PAK3: variants seen among roughly 807,000 people sequenced by gnomAD.
The protein encoded by PAK3 is p21 (RAC1) activated kinase 3, also known as serine/threonine-protein kinase PAK 3.
Under a neutral mutation model 41.0 loss-of-function variants are expected in PAK3, and 4 were observed. The observed-to-expected ratio is 0.10, with a 90% CI of 0.05 to 0.22. The LOEUF is 0.22. PAK3 is among the 10% of genes least tolerant of loss of function. The pLI is 1.00. For missense variants in PAK3, 205 were observed against 409.9 expected, an observed-to-expected ratio of 0.50 and a Z score of 4.32; for synonymous variants, 146 against 139.6, an observed-to-expected ratio of 1.05 and a Z score of -0.32.
intron 1 of PAK3, among the ~76,000 whole-genome samples, chrX:111,087,308 T>C (rs1413731838): frequency 9.0e-6 from 1 of 110,788 alleles, no homozygotes; most frequent in Non-Finnish European, 1.9e-5. Flanking sequence ...ATGTATTCTC[T>C]TGGATGATTA....
intron 16 of PAK3, among the ~76,000 whole-genome samples, chrX:111,209,226 A>G (rs2094791853): frequency 1.8e-5 from 2 of 111,629 alleles, no homozygotes; most frequent in African/African-American, 6.5e-5. Flanking sequence ...GCAGTGGTCA[A>G]GAGCATGAAC....
At chrX:111,010,331 C>T (rs777353544) in intron 1 of PAK3, among the ~76,000 whole-genome samples, 3 of 111,655 alleles carry the variant, frequency 2.7e-5, no homozygotes, top group African/African-American at 9.8e-5. Context: ...GTGATAACCC[C>T]GGGAAGCTGC....
At chrX:110,994,944 G>A (rs940726010) in intron 1 of PAK3, among the ~76,000 whole-genome samples, 3 of 111,777 alleles carry the variant, frequency 2.7e-5, no homozygotes, top group Non-Finnish European at 3.8e-5. Flanking sequence ...AATTAAATGA[G>A]AACATATGTA....
chrX:111,050,114 C>A (rs2092542790), intron 1 of PAK3, among the ~76,000 whole-genome samples: 1 of 111,712 alleles, frequency 9.0e-6, no homozygotes, highest in Admixed American at 9.5e-5. Context: ...GGAAGTATAA[C>A]TAGAAATGTG....
intron 8 of PAK3, among the ~76,000 whole-genome samples, chrX:111,157,990 G>T (rs769662874): frequency 8.1e-5 from 9 of 111,547 alleles, no homozygotes; most frequent in Non-Finnish European, 1.5e-4. Flanking sequence ...TTGCACCATT[G>T]ACTCCAAAAA....
chrX:111,126,368 T>C (rs2149019375), intron 5 of PAK3, among the ~76,000 whole-genome samples: 1 of 111,629 alleles, frequency 9.0e-6, no homozygotes, highest in East Asian at 2.8e-4. Context: ...CCCGATATCA[T>C]GATCTCCTCA....
At chrX:111,035,105 C>CA (rs533876214) in intron 1 of PAK3, among the ~76,000 whole-genome samples, 21 of 39,551 alleles carry the variant, frequency 5.3e-4, no homozygotes, top group African/African-American at 2.8e-3. Flanking sequence ...GACCCTGTCT[C>CA]AAAAAAAAAA....
chrX:111,066,439 T>C (rs1221782552), intron 1 of PAK3, among the ~76,000 whole-genome samples: 1 of 112,222 alleles, frequency 8.9e-6, no homozygotes, highest in Admixed American at 9.5e-5. Context: ...ATGGTTGGTA[T>C]GATTTTGATT....
At chrX:111,061,215 T>C (rs1475702965) in intron 1 of PAK3, among the ~76,000 whole-genome samples, 1 of 112,478 alleles carries the variant, frequency 8.9e-6, no homozygotes, top group Non-Finnish European at 1.9e-5. Flanking sequence ...TTTTAACTTA[T>C]TTAAATCAAT....
chrX:110,952,878 A>G (rs948424437), intron 1 of PAK3, among the ~76,000 whole-genome samples: 42 of 111,964 alleles, frequency 3.8e-4, no homozygotes, highest in African/African-American at 1.4e-3. Flanking sequence ...CCTTGAAAAA[A>G]GTGGTTTTAG....
chrX:111,209,166 C>A (rs1469926324), intron 16 of PAK3, among the ~76,000 whole-genome samples: 1 of 111,049 alleles, frequency 9.0e-6, no homozygotes, highest in Non-Finnish European at 1.9e-5. Context: ...TCTGCCTTTT[C>A]TAGGAGCACT....
intron 1 of PAK3, among the ~76,000 whole-genome samples, chrX:111,008,406 A>T (rs768094408): frequency 8.9e-6 from 1 of 112,776 alleles, no homozygotes; most frequent in Non-Finnish European, 1.9e-5. Context: ...GTATTATGAG[A>T]TTTACTTAGC....
At chrX:110,988,064 A>T (rs181438694) in intron 1 of PAK3, among the ~76,000 whole-genome samples, 20 of 112,783 alleles carry the variant, frequency 1.8e-4, no homozygotes, top group Admixed American at 1.6e-3. Flanking sequence ...TTTTGATGTT[A>T]TTTGCATCTG....
At chrX:111,147,973 C>T in intron 7 of PAK3, 83 bp downstream of exon 7, 2 of 830,626 alleles carry the variant, frequency 2.4e-6, no homozygotes, top group Non-Finnish European at 3.6e-6. Context: ...GTCTGTGGGA[C>T]ATTTGAAATC....
At chrX:111,027,060 A>G (rs1055906744) in intron 1 of PAK3, among the ~76,000 whole-genome samples, 4 of 111,857 alleles carry the variant, frequency 3.6e-5, no homozygotes, top group African/African-American at 1.3e-4. Context: ...AAGTGAGGAA[A>G]GGACACTCTA....
intron 1 of PAK3, among the ~76,000 whole-genome samples, chrX:110,993,679 T>G (rs143795671): frequency 0.011 from 1,229 of 112,161 alleles, 9 homozygotes; most frequent in Non-Finnish European, 0.019. Flanking sequence ...CCAAGATATG[T>G]TGTCAATGCA....
chrX:111,195,747 A>C (rs1455998100), intron 14 of PAK3, 95 bp from the exon 15 acceptor site: 6 of 573,807 alleles, frequency 1.0e-5, no homozygotes, highest in Non-Finnish European at 1.8e-5. Flanking sequence ...TTGACAATAT[A>C]AAGTTATATC....
At chrX:111,205,246 C>G (rs929192317) in intron 16 of PAK3, among the ~76,000 whole-genome samples, 2 of 110,668 alleles carry the variant, frequency 1.8e-5, no homozygotes, top group African/African-American at 6.6e-5. Context: ...GGGAGGTAAC[C>G]AGGATAGGGC....
Position 111,136,102 on chromosome X carries a change from TG to T in PAK3, c.176-5993del, listed in dbSNP as rs2093785784. Among the ~76,000 whole-genome samples, 3 of 110,155 alleles carry T rather than the reference TG, an allele frequency of 2.7e-5. No individual in the cohort carries two copies. In the South Asian group the frequency reaches 1.2e-3, roughly 43 times the overall value. ...GAGAAAGTGAAATCAAAGGAATAACTGAAAAAAAAGGAGTCCCTCCATTTAT... is the reference window on the plus strand; with the variant it reads ...GAGAAAGTGAAATCAAAGGAATAACTAAAAAAAAGGAGTCCCTCCATTTAT... On this transcript the variant is annotated intron_variant, in intron 5 of 17. Coordinates refer to ENST00000372007, the MANE Select transcript of PAK3 (RefSeq NM_002578.5).
Sources: gnomAD v4.1 joint callset for allele counts (sites outside exome capture counted in the v4.1 genomes callset) on GRCh38, gnomAD v4.1.1 for gene constraint, MANE v1.5 for transcripts, NCBI Gene and HGNC (gene_info 2026-07-23, HGNC 2026-07-21) for gene names.